The following PPM1K variants were observed in gnomAD, a reference collection of about 807,000 sequenced individuals.
The protein encoded by PPM1K is protein phosphatase, Mg2+/Mn2+ dependent 1K, also known as protein phosphatase Mn(2+)-dependent 1K.
In PPM1K, 19 loss-of-function variants were observed where a neutral mutation model predicts 32.6. The observed-to-expected ratio is 0.58, with a 90% CI of 0.41 to 0.86. The LOEUF is 0.86. PPM1K is among the 40% of genes least tolerant of loss of function. PPM1K has a pLI of 0.00. For missense variants in PPM1K, 362 were observed against 461.2 expected (o/e 0.78, Z 1.97); for synonymous variants, 159 against 165.3 (o/e 0.96, Z 0.29).
At chr4:88,266,257 G>T (rs910523046) in intron 5 of PPM1K, among the ~76,000 whole-genome samples, 1 of 152,222 alleles carries the variant, frequency 6.6e-6, no homozygotes, top group Non-Finnish European at 1.5e-5. Flanking sequence ...GTGTGTGTTG[G>T]GGGGCAGTTC....
intron 1 of PPM1K, among the ~76,000 whole-genome samples, chr4:88,279,944 G>A (rs143939223): frequency 1.4e-4 from 22 of 152,208 alleles, no homozygotes; most frequent in Middle Eastern, 3.4e-3. Context: ...AACCCAGCTT[G>A]AGTGCAGTTA....
intron 6 of PPM1K, among the ~76,000 whole-genome samples, chr4:88,263,961 A>G (rs1560483780): frequency 6.6e-6 from 1 of 152,246 alleles, no homozygotes; most frequent in Non-Finnish European, 1.5e-5. Context: ...TTTCTTGACC[A>G]GAGGAACTGT....
chr4:88,276,589 C>G, intron 3 of PPM1K: 1 of 985,330 alleles, frequency 1.0e-6, no homozygotes, highest in South Asian at 4.7e-5. Flanking sequence ...CAGAGAAAAG[C>G]TGCAAGATTG....
At chr4:88,276,788 A>C (rs977687559) in intron 3 of PPM1K, 1 of 1,007,498 alleles carries the variant, frequency 9.9e-7, no homozygotes. Context: ...CTAAAAAAAA[A>C]ACCAAAAACC....
Position 88,278,507 on chromosome 4 carries a change from CGGGAGCTTAGCA to C in PPM1K, c.65_76del (p.Leu22_Ser25del). Reference sequence around the variant, plus strand: ...CACCCGCCTGTCGTCCTGCAGCAGGCGGGAGCTTAGCAGCACTCTCCTTCTCACCTGGTTCCC... The same window carrying C: ...CACCCGCCTGTCGTCCTGCAGCAGGCGCACTCTCCTTCTCACCTGGTTCCC... On this transcript the variant is annotated inframe_deletion, in exon 2 of 7. Transcript: ENST00000608933. This position sits in a 1 kb window ranked among gnomAD's most constrained non-coding sequence, Gnocchi z 4.2. The C allele has an allele frequency of 1.2e-6, 2 of 1,614,130 alleles. No homozygotes were observed. The highest frequency in any genetic ancestry group is 1.7e-6 in the Non-Finnish European group (2 of 1,180,028).
chr4:88,278,828 G>A lies in PPM1K; in HGVS notation c.-59-186C>T, dbSNP rs1731898754. On this transcript the variant is annotated intron_variant, in intron 1 of 6. Transcript: ENST00000608933. The surrounding 1 kb of genome is among the most constrained non-coding windows in gnomAD (Gnocchi z 4.2). ...ATACATATATTTATGTTATATATTG[G>A]GTAGGCATCCAGTAGCCTGCTTCTA... is the stretch of plus-strand genomic sequence containing the variant. 1 of 453,196 alleles carries A rather than the reference G, an allele frequency of 2.2e-6. No individual in the cohort carries two copies. The highest frequency in any genetic ancestry group is 3.1e-5 in the South Asian group (1 of 31,800). 28.1% of individuals were successfully genotyped at this position (453,196 alleles called of 1,614,324 possible).
chr4:88,273,709 C>T (rs1731653083), intron 3 of PPM1K, among the ~76,000 whole-genome samples: 1 of 151,244 alleles, frequency 6.6e-6, no homozygotes, highest in Non-Finnish European at 1.5e-5. Flanking sequence ...AAGAAAAGGG[C>T]TACCTGGGGC....
At chr4:88,277,095 C>T in intron 3 of PPM1K, 48 bp downstream of exon 3, 1 of 1,406,350 alleles carries the variant, frequency 7.1e-7, no homozygotes, top group Non-Finnish European at 1.0e-6. Flanking sequence ...ACTCCTCCCC[C>T]ACCCCATGTA....
In PPM1K at chr4:88,268,855, C is replaced by A; in HGVS notation, c.593G>T (p.Gly198Val). Residue 198 changes from glycine to valine, a missense_variant, in exon 4 of 7, where the codon GGT becomes GTT. Gly to Val is a moderately radical substitution (Grantham distance 109, BLOSUM62 -3). Coordinates refer to ENST00000608933, the MANE Select transcript of PPM1K (RefSeq NM_152542.5). ...TTATVALLRDGIELVVASVGD... is the reference protein window; with the variant it reads ...TTATVALLRDVIELVVASVGD... ...AACACTGGCTACAACCAGTTCAATA[C>A]CATCTCGCAATAGGGCTACTGTTGC... The A allele has an allele frequency of 1.9e-6, 3 of 1,613,956 alleles. No individual in the cohort carries two copies. The highest frequency in any genetic ancestry group is 2.5e-6 in the Non-Finnish European group (3 of 1,179,970).
At chr4:88,263,599 C>G (rs1167134732) in intron 6 of PPM1K, among the ~76,000 whole-genome samples, 1 of 152,092 alleles carries the variant, frequency 6.6e-6, no homozygotes, top group Non-Finnish European at 1.5e-5. Context: ...CCACCATGCC[C>G]AGCTAAGTAA....
In PPM1K at chr4:88,268,296, A is replaced by G. The variant is rs948752735; in HGVS notation, c.746T>C (p.Leu249Ser). 6.2e-7 allele frequency: 1 copy of G among 1,614,160 alleles called. No homozygotes were observed. Among genetic ancestry groups the G allele is most frequent in the Non-Finnish European group, 8.5e-7 (1 of 1,180,016 alleles). Residue 249 changes from leucine to serine, a missense_variant, in exon 5 of 7, where the codon TTG (leucine) becomes TCG (serine). Leu to Ser is a moderately radical substitution (Grantham distance 145). Transcript: ENST00000608933. The stretch of plus-strand genomic sequence containing the variant: ...CCTGCCATTTACGTGAGGCTGCCCC[A>G]AACTATTCCAAGCTACAAAACCACC... ...KCGGFVAWNS[L>S]GQPHVNGRLA... is the part of the protein sequence containing the mutation.
At chr4:88,262,767 TCA>T (rs1731170078) in intron 6 of PPM1K, 41 bp from the exon 7 acceptor site, 1 of 1,582,868 alleles carries the variant, frequency 6.3e-7, no homozygotes, top group Non-Finnish European at 8.6e-7. Flanking sequence ...ACATTGGAAA[TCA>T]CAGTCTATAC....
At chr4:88,270,331 T>C (rs1409606096) in intron 3 of PPM1K, among the ~76,000 whole-genome samples, 2 of 152,212 alleles carry the variant, frequency 1.3e-5, no homozygotes, top group Middle Eastern at 3.2e-3. Context: ...TCTTGAGAAA[T>C]AACATTTATA....
At chr4:88,270,881 A>G (rs1392886911) in intron 3 of PPM1K, 1 of 275,792 alleles carries the variant, frequency 3.6e-6, no homozygotes, top group Non-Finnish European at 7.2e-6. Flanking sequence ...TAAGAATGTA[A>G]ATATTAAATC....
chr4:88,266,847 A>ATTGC (rs1731335126), intron 5 of PPM1K, among the ~76,000 whole-genome samples: 1 of 140,118 alleles, frequency 7.1e-6, no homozygotes, highest in Non-Finnish European at 1.5e-5. Flanking sequence ...ATGTTGGCTG[A>ATTGC]TTGGGTGCAG....
chr4:88,263,501 C>T (rs540450982), intron 6 of PPM1K, among the ~76,000 whole-genome samples: 3 of 152,298 alleles, frequency 2.0e-5, no homozygotes, highest in African/African-American at 4.8e-5. Flanking sequence ...TGCAGTGGCA[C>T]GATCTCGGCT....
rs183194192 is a variant in PPM1K at position 88,276,320 on chromosome 4, T to C, written c.541+823A>G. ...ATGAACCAAATACAGATCAAGATTA[T>C]TGCATGATTCATTTTCAAATCATTT... is the stretch of plus-strand genomic sequence containing the variant. On this transcript the variant is annotated intron_variant, in intron 3 of 6. Transcript: ENST00000608933. 312 of 985,440 alleles carry C rather than the reference T, an allele frequency of 3.2e-4. No homozygotes were observed. The African/African-American group carries it at 5.0e-3, about 16-fold the overall frequency. 61.0% of individuals were successfully genotyped at this position (985,440 alleles called of 1,614,324 possible).
intron 5 of PPM1K, among the ~76,000 whole-genome samples, chr4:88,267,196 TTGATTGGGTGCAGGTGATGCTGGC>T (rs1731365322): frequency 9.0e-6 from 1 of 111,226 alleles, no homozygotes; most frequent in Non-Finnish European, 1.8e-5. Flanking sequence ...GTGATGCTGA[TTGATTGGGTGCAGGTGATGCTGGC>T]TGATTGGGTG....
chr4:88,278,254 C>A lies in PPM1K; in HGVS notation c.330G>T (p.Arg110=). ...CATCTGTCAGCTGAGCGAAGTCAAA[C>A]CGATCTTCATTCTCTTTCCGTTTGC... ...QIGKRKENED[R]FDFAQLTDEV... is the part of the protein sequence containing the mutation. Residue 110 remains arginine, a synonymous_variant, in exon 2 of 7, where the codon CGG becomes CGT. Transcript: ENST00000608933. The surrounding 1 kb of genome is among the most constrained non-coding windows in gnomAD (Gnocchi z 4.2). 6.2e-7 allele frequency: 1 copy of A among 1,614,218 alleles called. No individual in the cohort carries two copies. The highest frequency in any genetic ancestry group is 8.5e-7 in the Non-Finnish European group (1 of 1,180,018).
Sources: gnomAD v4.1 joint callset for allele counts (sites outside exome capture counted in the v4.1 genomes callset) on GRCh38, gnomAD v4.1.1 for gene constraint, Gnocchi (gnomAD v3.1) non-coding constraint, MANE v1.5 for transcripts, NCBI Gene and HGNC (gene_info 2026-07-23, HGNC 2026-07-21) for gene names.